The following FGF13 variants were observed in gnomAD, a reference collection of about 807,000 sequenced individuals.
FGF13 encodes the protein fibroblast growth factor 13.
A neutral mutation model predicts 19.5 loss-of-function variants in FGF13; 2 were observed. The observed-to-expected ratio is 0.10, with a 90% confidence interval of 0.04 to 0.32. The LOEUF (loss-of-function observed/expected upper bound fraction) is 0.32, where lower values mean the gene tolerates loss of function less well. Among genes scored for constraint, FGF13 ranks in the 10% least tolerant of loss-of-function variants. The pLI, the probability that FGF13 is intolerant of heterozygous loss-of-function variation, is 1.00. For missense variants in FGF13, 113 were observed against 192.7 expected (o/e 0.59, Z 2.45); for synonymous variants, 72 against 76.9 (o/e 0.94, Z 0.33).
intron 1 of FGF13, among the ~76,000 whole-genome samples, chrX:139,081,060 T>G (rs2124441403): frequency 9.0e-6 from 1 of 111,122 alleles, no homozygotes; most frequent in African/African-American, 3.3e-5. Flanking sequence ...AACAACTCTT[T>G]GAAAAAGTTG....
chrX:139,172,352 C>T (rs1371519465), intron 1 of FGF13, among the ~76,000 whole-genome samples: 2 of 111,754 alleles, frequency 1.8e-5, no homozygotes, highest in Non-Finnish European at 3.8e-5. Flanking sequence ...GGGGAGATGA[C>T]AATCAGCCCT....
At position 138,711,595 on chromosome X, in the gene FGF13, A is replaced by C. The variant is rs1357737732; in HGVS notation, c.-592T>G. ...TAATCGGGAAAAGTTGGCCCGTGCCAGGTTTCCGACAGGGATCAAACAGGT... is the reference window on the plus strand; with the variant it reads ...TAATCGGGAAAAGTTGGCCCGTGCCCGGTTTCCGACAGGGATCAAACAGGT... On this transcript the variant is annotated 5_prime_UTR_variant, in exon 1 of 5. Coordinates refer to ENST00000315930, the MANE Select transcript of FGF13 (RefSeq NM_004114.5). The C allele has an allele frequency of 2.7e-6, 2 of 754,379 alleles. No homozygotes were observed. Among genetic ancestry groups the C allele is most frequent in the Middle Eastern group, 7.4e-4 (1 of 1,345 alleles). 62.2% of individuals were successfully genotyped at this position (754,379 alleles called of 1,213,427 possible).
At position 138,861,833 on chromosome X, in the gene FGF13, T is replaced by C. The variant is rs375755531; in HGVS notation, c.-39+2744A>G. 2.7e-5 allele frequency among the ~76,000 whole-genome samples: 3 copies of C among 110,250 alleles called. No homozygotes were observed. The East Asian group carries it at 8.6e-4, about 32-fold the overall frequency. On this transcript the variant is annotated intron_variant, in intron 2 of 2. Coordinates refer to the FGF13 transcript ENST00000421460. The stretch of plus-strand genomic sequence containing the variant: ...GACTGGCCAACATGGCAAAACCCTA[T>C]CTCTACTAAAAATACAAAAATTAGC...
chrX:139,053,811 G>T (rs770543327), intron 1 of FGF13, among the ~76,000 whole-genome samples: 1 of 111,578 alleles, frequency 9.0e-6, no homozygotes, highest in Non-Finnish European at 1.9e-5. Context: ...TTGGGTTCTT[G>T]GTCATGAAAT....
intron 3 of FGF13, among the ~76,000 whole-genome samples, chrX:138,757,838 C>T (rs778808124): frequency 1.7e-4 from 19 of 111,887 alleles, no homozygotes; most frequent in Non-Finnish European, 3.4e-4. Context: ...TGATCTACTT[C>T]AGTTCCTTTA....
chrX:139,174,357 G>A (rs2084161170), intron 1 of FGF13, among the ~76,000 whole-genome samples: 1 of 112,278 alleles, frequency 8.9e-6, no homozygotes, highest in African/African-American at 3.2e-5. Context: ...TAGGTTGCCT[G>A]TTCAACCTGA....
At chrX:138,633,425 C>A (rs1480983423) in intron 4 of FGF13, among the ~76,000 whole-genome samples, 1 of 111,289 alleles carries the variant, frequency 9.0e-6, no homozygotes, top group African/African-American at 3.3e-5. Context: ...TGCCTAACTT[C>A]AACCACATAT....
At chrX:139,046,829 G>A (rs913079866) in intron 1 of FGF13, among the ~76,000 whole-genome samples, 1 of 111,357 alleles carries the variant, frequency 9.0e-6, no homozygotes, top group African/African-American at 3.3e-5. Context: ...CCTCAAATTC[G>A]ATATTTATAG....
intron 1 of FGF13, among the ~76,000 whole-genome samples, chrX:138,868,404 G>T (rs1330514115): frequency 2.7e-5 from 3 of 110,596 alleles, no homozygotes; most frequent in African/African-American, 9.9e-5. Flanking sequence ...TTGCATGCAC[G>T]TGTGTGTGAG....
Position 138,623,815 on chromosome X carries a change from A to G in FGF13, c.*9035T>C, listed in dbSNP as rs1167586079. 1 of 111,524 alleles carries G rather than the reference A, an allele frequency of 9.0e-6. No homozygotes were observed. Among genetic ancestry groups the G allele is most frequent in the Non-Finnish European group, 1.9e-5 (1 of 53,200 alleles). The allele number at this position is 111,524 out of a possible 1,213,427, so 9.2% of individuals were successfully genotyped here. ...CAAACAAACAAACAAAATAAAATAA[A>G]TTAGAAAAACAATCCCATTTGCAAT... On this transcript the variant is annotated 3_prime_UTR_variant, in exon 5 of 5. Coordinates refer to ENST00000315930, the MANE Select transcript of FGF13 (RefSeq NM_004114.5).
intron 3 of FGF13, among the ~76,000 whole-genome samples, chrX:138,649,334 A>C (rs1183211109): frequency 8.9e-6 from 1 of 112,193 alleles, no homozygotes; most frequent in Non-Finnish European, 1.9e-5. Flanking sequence ...GAGAAAGAGA[A>C]TATTGCCCTT....
At chrX:138,918,164 C>CAAAAA (rs3077321) in intron 1 of FGF13, among the ~76,000 whole-genome samples, 561 of 101,304 alleles carry the variant, frequency 5.5e-3, no homozygotes, top group African/African-American at 0.014. Context: ...AAACAGAAGA[C>CAAAAA]AAAAAAAAAA....
At chrX:138,678,135 C>T (rs998560538) in intron 3 of FGF13, among the ~76,000 whole-genome samples, 9 of 110,992 alleles carry the variant, frequency 8.1e-5, no homozygotes, top group African/African-American at 1.3e-4. Flanking sequence ...ACAATGAGAA[C>T]ACATGGACAC....
chrX:138,665,192 G>A (rs1356030100), intron 3 of FGF13, among the ~76,000 whole-genome samples: 2 of 110,993 alleles, frequency 1.8e-5, no homozygotes, highest in Non-Finnish European at 3.8e-5. Context: ...TAATTTGAAG[G>A]AACAAAGTGA....
At position 138,653,078 on chromosome X, in the gene FGF13, C is replaced by G. The variant is rs2089394431; in HGVS notation, c.403-17423G>C. 1.8e-5 allele frequency among the ~76,000 whole-genome samples: 2 copies of G among 111,727 alleles called. 1 individual carries two copies. The highest frequency in any genetic ancestry group is 1.9e-4 in the Admixed American group (2 of 10,503). ...GGTTAGCCAGGGACCTAGTATTTATCTCTGATGTTTCATGGGGGCTTAACA... is the reference window on the plus strand; with the variant it reads ...GGTTAGCCAGGGACCTAGTATTTATGTCTGATGTTTCATGGGGGCTTAACA... On this transcript the variant is annotated intron_variant, in intron 3 of 4. Transcript: ENST00000315930.
chrX:139,006,437 G>A (rs2092101556), intron 1 of FGF13, among the ~76,000 whole-genome samples: 1 of 111,140 alleles, frequency 9.0e-6, no homozygotes, highest in African/African-American at 3.3e-5. Flanking sequence ...GCTAAAGAGA[G>A]AACTTCAGTA....
At chrX:139,197,029 G>C (rs753714300) in intron 1 of FGF13, among the ~76,000 whole-genome samples, 2 of 112,038 alleles carry the variant, frequency 1.8e-5, no homozygotes, top group Admixed American at 9.4e-5. Flanking sequence ...ATATCCCTAG[G>C]TATTTGTCAG....
At chrX:138,754,988 G>A (rs766014836) in intron 3 of FGF13, among the ~76,000 whole-genome samples, 56 of 111,770 alleles carry the variant, frequency 5.0e-4, no homozygotes, top group African/African-American at 1.8e-3. Context: ...TGTTAATTTT[G>A]CTGTGTGTCC....
At chrX:138,875,601 T>C in intron 1 of FGF13, among the ~76,000 whole-genome samples, 1 of 112,010 alleles carries the variant, frequency 8.9e-6, no homozygotes, top group Non-Finnish European at 1.9e-5. Context: ...GTGTTTTTTT[T>C]CTTAATCGGT....
Sources: gnomAD v4.1 joint callset for allele counts (sites outside exome capture counted in the v4.1 genomes callset) on GRCh38, gnomAD v4.1.1 for gene constraint, MANE v1.5 for transcripts, NCBI Gene and HGNC (gene_info 2026-07-23, HGNC 2026-07-21) for gene names.